The following VCL variants were observed in gnomAD, a reference collection of about 807,000 sequenced individuals.
VCL encodes vinculin.
VCL carries 47 observed loss-of-function variants against 125.7 expected under a neutral mutation model. The ratio of observed to expected loss-of-function variants is 0.37; its 90% CI spans 0.30 to 0.48. The LOEUF (loss-of-function observed/expected upper bound fraction) is 0.48. Among genes scored for constraint, VCL ranks in the 20% least tolerant of loss-of-function variants. VCL has a pLI of 0.99. For missense variants in VCL, 1,069 were observed against 1,455.5 expected (o/e 0.73, Z 4.32); for synonymous variants, 458 against 514.6 (o/e 0.89, Z 1.49).
chr10:74,086,438 T>C (rs1344386543), intron 8 of VCL, among the ~76,000 whole-genome samples: 1 of 152,216 alleles, frequency 6.6e-6, no homozygotes, highest in African/African-American at 2.4e-5. Flanking sequence ...TGAGAAGCAG[T>C]CTCCTCTGTC....
At chr10:74,107,027 A>G (rs2131931015) in intron 16 of VCL, among the ~76,000 whole-genome samples, 1 of 152,352 alleles carries the variant, frequency 6.6e-6, no homozygotes, top group South Asian at 2.1e-4. Context: ...CTAAAAGAAC[A>G]GCTGGTTTGT....
rs541471710 is a variant in VCL, at chr10:74,081,830, A to T, written c.784-624A>T. Among the ~76,000 whole-genome samples, 4 of 152,312 alleles carry T rather than the reference A, an allele frequency of 2.6e-5. No individual in the cohort carries two copies. The East Asian group carries it at 7.7e-4, about 29-fold the overall frequency. On this transcript the variant is annotated intron_variant, in intron 6 of 21. Coordinates refer to ENST00000211998, the MANE Select transcript of VCL (RefSeq NM_014000.3). ...AGGGATAGTAAGGGAACTAAGAAGG[A>T]GGAATAGCAGGGAAGGTCAGAAAAC...
chr10:74,022,028 G>T (rs1244388091), intron 1 of VCL, among the ~76,000 whole-genome samples: 1 of 151,942 alleles, frequency 6.6e-6, no homozygotes, highest in African/African-American at 2.4e-5. Context: ...CCTATGCCTT[G>T]TCCCCAGTCT....
intron 1 of VCL, among the ~76,000 whole-genome samples, chr10:74,025,314 C>T (rs1344422271): frequency 6.6e-6 from 1 of 152,066 alleles, no homozygotes; most frequent in Non-Finnish European, 1.5e-5. Context: ...TGGTGCCTGG[C>T]CCCACTCTTC....
chr10:74,043,979 C>T (rs963753592), intron 2 of VCL, among the ~76,000 whole-genome samples: 9 of 151,700 alleles, frequency 5.9e-5, no homozygotes, highest in South Asian at 2.1e-4. Flanking sequence ...GGCGTGGTGG[C>T]GGGTGCCTGT....
chr10:74,049,114 C>A (rs924569981), intron 2 of VCL, among the ~76,000 whole-genome samples: 2 of 151,334 alleles, frequency 1.3e-5, no homozygotes, highest in Middle Eastern at 3.3e-3. Context: ...CTCAAAAAAA[C>A]AAACAAACAA....
At position 74,082,457 on chromosome 10, in the gene VCL, A is replaced by T. The variant is rs142233726; in HGVS notation, c.787A>T (p.Thr263Ser). 58 of 1,614,186 alleles carry T rather than the reference A, an allele frequency of 3.6e-5. No individual in the cohort carries two copies. The African/African-American group carries it at 6.8e-4, about 19-fold the overall frequency. ...WDEDAWASKD[T>S]EAMKRALASI... The stretch of plus-strand genomic sequence containing the variant: ...TGGTGGGATTTCTTCCCAAAAGGAC[A>T]CTGAAGCCATGAAGAGAGCATTGGC... The change falls in exon 7 of 22, where the codon ACT becomes TCT. Residue 263 changes from threonine to serine, a missense_variant. Thr to Ser is a moderately conservative substitution (Grantham distance 58). This residue lies in a region of VCL where 760 missense variants were observed against 928.9 expected (regional missense o/e 0.82). Coordinates refer to ENST00000211998, the MANE Select transcript of VCL (RefSeq NM_014000.3).
rs1839954636 is a variant in VCL at position 74,095,543 on chromosome 10, TC to T, written c.1544-111del. 8.8e-6 allele frequency: 12 copies of T among 1,358,462 alleles called. No homozygotes were observed. The South Asian group carries it at 1.5e-4, about 17-fold the overall frequency. The allele number at this position is 1,358,462 out of a possible 1,614,324, so 84.2% of individuals were successfully genotyped here. On this transcript the variant is annotated intron_variant, in intron 11 of 21. Transcript: ENST00000211998. ...GGTCAAGGCTGCAATGAGCTGTTGT[TC>T]CACTGCACTCCAGCTTGGGTGATAG...
intron 6 of VCL, among the ~76,000 whole-genome samples, chr10:74,079,958 T>C (rs1260357119): frequency 6.6e-6 from 1 of 152,316 alleles, no homozygotes; most frequent in East Asian, 1.9e-4. Context: ...AATGAACATC[T>C]CTTAATTTTA....
chr10:74,060,187 C>T (rs1841457412), intron 2 of VCL, among the ~76,000 whole-genome samples: 1 of 152,006 alleles, frequency 6.6e-6, no homozygotes, highest in Admixed American at 6.6e-5. Flanking sequence ...TGCCTTTGGT[C>T]TCAGTTACTT....
rs75005856 is a variant in VCL, at chr10:74,089,697, G to A, written c.1177-326G>A. 4.2e-3 allele frequency among the ~76,000 whole-genome samples: 639 copies of A among 152,278 alleles called. 1 individual carries two copies. The highest frequency in any genetic ancestry group is 0.017 in the Middle Eastern group (5 of 294). On this transcript the variant is annotated intron_variant, in intron 9 of 21. Transcript: ENST00000211998. ...TAATGTTTAGGGGTTAAAGTTTTCC[G>A]ATACTGCTCTACTGTAAAATGATTT...
chr10:74,094,196 T>C, intron 10 of VCL, 75 bp from the exon 11 acceptor site: 2 of 1,576,778 alleles, frequency 1.3e-6, no homozygotes, highest in Non-Finnish European at 8.7e-7. Context: ...CTATTAGCAT[T>C]TGTCATTAGC....
intron 1 of VCL, among the ~76,000 whole-genome samples, chr10:74,034,964 A>G (rs1225485051): frequency 1.3e-5 from 2 of 152,252 alleles, no homozygotes; most frequent in African/African-American, 4.8e-5. Context: ...TTATGCCATG[A>G]CATTGATTTG....
At chr10:74,083,556 A>G (rs1355339861) in intron 8 of VCL, 43 bp downstream of exon 8, 8 of 1,608,820 alleles carry the variant, frequency 5.0e-6, no homozygotes. Flanking sequence ...TGGGTAACTC[A>G]CTCCTAACAG....
At chr10:74,039,094 T>C (rs1841042311) in intron 1 of VCL, among the ~76,000 whole-genome samples, 1 of 152,092 alleles carries the variant, frequency 6.6e-6, no homozygotes, top group Non-Finnish European at 1.5e-5. Context: ...GTATTTTTAG[T>C]AGAGACAGGG....
chr10:74,000,259 C>CT (rs34197555), intron 1 of VCL, among the ~76,000 whole-genome samples: 51,705 of 114,838 alleles, frequency 0.45, 13,156 homozygotes, highest in Non-Finnish European at 0.56. Context: ...TTGTATTTTG[C>CT]TTTTTTTTTT....
intron 1 of VCL, among the ~76,000 whole-genome samples, chr10:74,038,638 C>T (rs1298474110): frequency 6.6e-6 from 1 of 152,128 alleles, no homozygotes; most frequent in Non-Finnish European, 1.5e-5. Flanking sequence ...TAAATAAATG[C>T]CCTTGAATAT....
chr10:74,014,768 C>A (rs1372386787), intron 1 of VCL, among the ~76,000 whole-genome samples: 2 of 152,102 alleles, frequency 1.3e-5, no homozygotes, highest in Non-Finnish European at 2.9e-5. Flanking sequence ...GATCTCAGCC[C>A]ACTGCAACCT....
At chr10:74,059,672 T>A (rs1418801567) in intron 2 of VCL, among the ~76,000 whole-genome samples, 2 of 152,132 alleles carry the variant, frequency 1.3e-5, no homozygotes, top group East Asian at 3.9e-4. Flanking sequence ...CCCAAAGTGT[T>A]GGGATTACAG....
Sources: gnomAD v4.1 joint callset for allele counts (sites outside exome capture counted in the v4.1 genomes callset) on GRCh38, gnomAD v4.1.1 for gene constraint, gnomAD v4.1.1 regional missense constraint, MANE v1.5 for transcripts, NCBI Gene and HGNC (gene_info 2026-07-23, HGNC 2026-07-21) for gene names.